The following ZNF423 variants were observed in gnomAD, a reference collection of about 807,000 sequenced individuals.
ZNF423 encodes Ebf-associated zinc finger protein.
In ZNF423, 12 loss-of-function variants were observed where a neutral mutation model predicts 95.8. That is an observed-to-expected ratio of 0.13 (90% CI 0.08 to 0.20). The LOEUF (loss-of-function observed/expected upper bound fraction) is 0.20, where lower values mean the gene tolerates loss of function less well. ZNF423 is among the 10% of genes least tolerant of loss of function. The pLI is 1.00. For synonymous variants in ZNF423, 749 were observed against 711.9 expected (o/e 1.05, Z -0.83); for missense variants, 1,316 against 1,737.1 (o/e 0.76, Z 4.31).
chr16:49,764,748 C>CT (rs946433372), intron 2 of ZNF423: 9 of 150,378 alleles, frequency 6.0e-5, no homozygotes, highest in Middle Eastern at 3.4e-3. Flanking sequence ...TTTTTCTTTT[C>CT]TTTTTTTTTC....
intron 1 of ZNF423, among the ~76,000 whole-genome samples, chr16:49,845,270 A>AT (rs1268074571): frequency 1.3e-5 from 2 of 150,608 alleles, no homozygotes; most frequent in South Asian, 4.2e-4. Flanking sequence ...ACGCCTGGCT[A>AT]TTTTTTTTAT....
intron 2 of ZNF423, among the ~76,000 whole-genome samples, chr16:49,750,785 G>A (rs1006869124): frequency 4.6e-5 from 7 of 152,234 alleles, no homozygotes; most frequent in South Asian, 2.1e-4. Flanking sequence ...CGTGACAGGG[G>A]CTGGAAGACG....
intron 3 of ZNF423, among the ~76,000 whole-genome samples, chr16:49,645,462 A>G (rs1355258165): frequency 1.7e-4 from 26 of 152,374 alleles, no homozygotes; most frequent in African/African-American, 6.0e-4. Flanking sequence ...GATGTCTGCC[A>G]TGAGCAGAGA....
At chr16:49,752,327 T>C (rs1262723703) in intron 2 of ZNF423, among the ~76,000 whole-genome samples, 1 of 151,884 alleles carries the variant, frequency 6.6e-6, no homozygotes, top group Non-Finnish European at 1.5e-5. Flanking sequence ...GGGCCTGGGG[T>C]CTTCAACATC....
intron 3 of ZNF423, among the ~76,000 whole-genome samples, chr16:49,665,489 G>A (rs8054707): frequency 0.16 from 23,813 of 152,130 alleles, 2,627 homozygotes; most frequent in African/African-American, 0.3. Context: ...CAGGCTCTCC[G>A]TGGAGACCAG....
intron 7 of ZNF423, among the ~76,000 whole-genome samples, chr16:49,507,543 G>T (rs897079949): frequency 6.6e-6 from 1 of 152,218 alleles, no homozygotes; most frequent in Non-Finnish European, 1.5e-5. Context: ...TGTGGCCTCA[G>T]CTGGGAAACT....
rs1427315075 is a variant in ZNF423, at chr16:49,672,582, C to T, written c.302-33708G>A. Among the ~76,000 whole-genome samples, 7 of 152,018 alleles carry T rather than the reference C, an allele frequency of 4.6e-5. No individual in the cohort carries two copies. In the South Asian group the frequency reaches 8.3e-4, roughly 18 times the overall value. On this transcript the variant is annotated intron_variant, in intron 3 of 7. Coordinates refer to ENST00000563137, the MANE Select transcript of ZNF423 (RefSeq NM_001379286.1). The stretch of plus-strand genomic sequence containing the variant: ...CTGTAATCCCAGCACTTTGGGAGGC[C>T]GAGGCAGATGGATCACCTGAGGTCA...
intron 2 of ZNF423, among the ~76,000 whole-genome samples, chr16:49,759,465 A>G (rs1187640870): frequency 6.6e-6 from 1 of 152,188 alleles, no homozygotes; most frequent in Non-Finnish European, 1.5e-5. Context: ...GAGCCAGCGA[A>G]TGGCTGCAGG....
At chr16:49,666,125 C>G (rs2030532918) in intron 3 of ZNF423, among the ~76,000 whole-genome samples, 1 of 152,190 alleles carries the variant, frequency 6.6e-6, no homozygotes, top group South Asian at 2.1e-4. Context: ...ATGCGGCCCC[C>G]CAGATCCTGG....
At chr16:49,616,700 C>T (rs1971887135) in intron 5 of ZNF423, among the ~76,000 whole-genome samples, 1 of 152,194 alleles carries the variant, frequency 6.6e-6, no homozygotes, top group Admixed American at 6.5e-5. Context: ...GCTACTCCTT[C>T]TGGGTCTGTC....
chr16:49,520,619 A>G (rs2151700396), intron 7 of ZNF423, among the ~76,000 whole-genome samples: 1 of 152,204 alleles, frequency 6.6e-6, no homozygotes, highest in Non-Finnish European at 1.5e-5. Context: ...TTCCGTGCAT[A>G]ACCTCAAACT....
At chr16:49,591,755 CAA>C (rs1443900895) in intron 5 of ZNF423, among the ~76,000 whole-genome samples, 1 of 152,124 alleles carries the variant, frequency 6.6e-6, no homozygotes, top group Non-Finnish European at 1.5e-5. Context: ...CACAAGTGTG[CAA>C]AAACAGTACA....
intron 2 of ZNF423, among the ~76,000 whole-genome samples, chr16:49,754,653 C>A (rs894537382): frequency 1.8e-4 from 27 of 152,156 alleles, no homozygotes; most frequent in African/African-American, 6.3e-4. Context: ...TCTCAGCAGC[C>A]GTAACACATG....
At chr16:49,760,963 C>T (rs1018650817) in intron 2 of ZNF423, among the ~76,000 whole-genome samples, 3 of 151,806 alleles carry the variant, frequency 2.0e-5, no homozygotes, top group Non-Finnish European at 4.4e-5. Flanking sequence ...CATGCATGCA[C>T]ATGAACACAC....
At chr16:49,623,494 C>T (rs764734119) in intron 5 of ZNF423, among the ~76,000 whole-genome samples, 1 of 152,246 alleles carries the variant, frequency 6.6e-6, no homozygotes, top group Non-Finnish European at 1.5e-5. Flanking sequence ...ATTAGCCAGG[C>T]TTGCGCCCTT....
At chr16:49,523,827 G>A in intron 6 of ZNF423, 88 bp from the exon 7 acceptor site, 1 of 1,042,470 alleles carries the variant, frequency 9.6e-7, no homozygotes, top group Admixed American at 1.9e-5. Flanking sequence ...CGCAGGCAGG[G>A]ATCACTGTGG....
At chr16:49,805,795 C>T (rs1288829793) in intron 1 of ZNF423, among the ~76,000 whole-genome samples, 1 of 152,192 alleles carries the variant, frequency 6.6e-6, no homozygotes, top group Admixed American at 6.5e-5. Flanking sequence ...TTAAAAAATT[C>T]CATTTATTTT....
chr16:49,718,681 G>C (rs1392770028), intron 3 of ZNF423, among the ~76,000 whole-genome samples: 2 of 152,098 alleles, frequency 1.3e-5, no homozygotes, highest in Non-Finnish European at 2.9e-5. Flanking sequence ...CAAGGTGCTG[G>C]GAGATTCTGT....
intron 2 of ZNF423, among the ~76,000 whole-genome samples, chr16:49,786,430 A>G (rs1395032555): frequency 2.0e-5 from 3 of 152,226 alleles, no homozygotes; most frequent in African/African-American, 7.2e-5. Flanking sequence ...GCGCATGAAA[A>G]GCTTGCGCTC....
Sources: gnomAD v4.1 joint callset for allele counts (sites outside exome capture counted in the v4.1 genomes callset) on GRCh38, gnomAD v4.1.1 for gene constraint, MANE v1.5 for transcripts, NCBI Gene and HGNC (gene_info 2026-07-23, HGNC 2026-07-21) for gene names.